FHIT: variants seen among roughly 807,000 people sequenced by gnomAD.
FHIT encodes the protein fragile histidine triad diadenosine triphosphatase.
In FHIT, 19 loss-of-function variants were observed where a neutral mutation model predicts 17.9. That is an observed-to-expected ratio of 1.06 (90% CI 0.74 to 1.56). The LOEUF (loss-of-function observed/expected upper bound fraction) is 1.56. FHIT is among the 40% of genes most tolerant of loss of function. The pLI, the probability that FHIT is intolerant of heterozygous loss-of-function variation, is 0.00. For synonymous variants in FHIT, 81 were observed against 69.7 expected (o/e 1.16, Z -0.81); for missense variants, 248 against 189.2 (o/e 1.31, Z -1.82).
chr3:60,950,716 T>C (rs1422430492), intron 3 of FHIT, among the ~76,000 whole-genome samples: 2 of 151,834 alleles, frequency 1.3e-5, no homozygotes, highest in Non-Finnish European at 2.9e-5. Context: ...ACAGATGGGG[T>C]TTCACCATGT....
chr3:59,800,646 T>G (rs1218205396), intron 8 of FHIT, among the ~76,000 whole-genome samples: 1 of 152,228 alleles, frequency 6.6e-6, no homozygotes, highest in East Asian at 1.9e-4. Flanking sequence ...GCAGCCAGCA[T>G]GTGCACCCCT....
intron 4 of FHIT, among the ~76,000 whole-genome samples, chr3:60,632,374 C>G (rs887777610): frequency 2.6e-5 from 4 of 152,144 alleles, no homozygotes; most frequent in Non-Finnish European, 5.9e-5. Flanking sequence ...CTCTTCCGAA[C>G]AACTATCTTA....
chr3:60,163,812 G>A (rs1217438344), intron 5 of FHIT, among the ~76,000 whole-genome samples: 2 of 152,130 alleles, frequency 1.3e-5, no homozygotes, highest in Non-Finnish European at 2.9e-5. Context: ...TCCAGACGTT[G>A]CCAGAAGTCC....
chr3:60,266,248 G>T (rs991576171), intron 5 of FHIT, among the ~76,000 whole-genome samples: 6 of 152,018 alleles, frequency 3.9e-5, no homozygotes, highest in African/African-American at 1.2e-4. Context: ...ACACATTACA[G>T]CATGATGAAC....
At chr3:61,125,689 C>T (rs1263011416) in intron 2 of FHIT, among the ~76,000 whole-genome samples, 3 of 152,142 alleles carry the variant, frequency 2.0e-5, no homozygotes, top group African/African-American at 7.2e-5. Context: ...TAGGTTTAAA[C>T]TGTCTAAAAC....
intron 3 of FHIT, among the ~76,000 whole-genome samples, chr3:60,905,871 T>A (rs1706383798): frequency 1.3e-5 from 2 of 152,156 alleles, no homozygotes; most frequent in Non-Finnish European, 2.9e-5. Context: ...AGGGTAGGGA[T>A]GGAGTGGGAC....
At chr3:61,031,813 A>G (rs1443565938) in intron 3 of FHIT, among the ~76,000 whole-genome samples, 1 of 151,144 alleles carries the variant, frequency 6.6e-6, no homozygotes, top group Non-Finnish European at 1.5e-5. Flanking sequence ...AAAATGACTG[A>G]GCGCCATCGC....
In FHIT at chr3:59,792,872, T is replaced by TGGGG. The variant is rs139940738; in HGVS notation, c.349-40555_349-40552dup. On this transcript the variant is annotated intron_variant, in intron 8 of 9. Coordinates refer to ENST00000492590, the MANE Select transcript of FHIT (RefSeq NM_002012.4). ...CTTTAGTTTGGAGGTCCTTATTTTTTGGGGGGGGGGGTCATGAACCTCCTT... is the reference window on the plus strand; with the variant it reads ...CTTTAGTTTGGAGGTCCTTATTTTTTGGGGGGGGGGGGGGGTCATGAACCTCCTT... Among the ~76,000 whole-genome samples, 6 of 134,806 alleles carry TGGGG rather than the reference T, an allele frequency of 4.5e-5. No individual in the cohort carries two copies. In the South Asian group the frequency reaches 1.0e-3, roughly 23 times the overall value. The allele number at this position is 134,806 out of a possible 152,430, so 88.4% of individuals were successfully genotyped here.
At chr3:60,121,621 T>A (rs1161490851) in intron 5 of FHIT, among the ~76,000 whole-genome samples, 1 of 151,518 alleles carries the variant, frequency 6.6e-6, no homozygotes, top group Non-Finnish European at 1.5e-5. Flanking sequence ...GAGGCGGAGG[T>A]GGCAGTGAGC....
In FHIT at chr3:60,788,285, T is replaced by C. The variant is rs549192655; in HGVS notation, c.-18+33634A>G. 1.4e-3 allele frequency among the ~76,000 whole-genome samples: 211 copies of C among 152,142 alleles called. 1 individual carries two copies. Among genetic ancestry groups the C allele is most frequent in the African/African-American group, 5.0e-3 (209 of 41,520 alleles). On this transcript the variant is annotated intron_variant, in intron 4 of 9. Coordinates refer to ENST00000492590, the MANE Select transcript of FHIT (RefSeq NM_002012.4). Reference sequence around the variant, plus strand: ...CAGCCTGGGCAACAGAGTGAGACCCTATCTCTTAAAAACAAAAAAAATATT... The same window carrying C: ...CAGCCTGGGCAACAGAGTGAGACCCCATCTCTTAAAAACAAAAAAAATATT...
intron 4 of FHIT, among the ~76,000 whole-genome samples, chr3:60,623,673 C>T (rs1553679615): frequency 6.6e-6 from 1 of 152,152 alleles, no homozygotes; most frequent in East Asian, 1.9e-4. Flanking sequence ...ACAGCACTAG[C>T]ATGTCATATT....
chr3:61,001,458 C>G (rs974803800), intron 3 of FHIT, among the ~76,000 whole-genome samples: 3 of 152,032 alleles, frequency 2.0e-5, no homozygotes, highest in African/African-American at 7.2e-5. Context: ...TAACATAACA[C>G]GGAATATTTC....
intron 5 of FHIT, among the ~76,000 whole-genome samples, chr3:60,349,262 G>A (rs1313378257): frequency 6.6e-6 from 1 of 152,156 alleles, no homozygotes; most frequent in African/African-American, 2.4e-5. Flanking sequence ...ATCTACTGCT[G>A]AATTCAGCTC....
intron 3 of FHIT, among the ~76,000 whole-genome samples, chr3:60,909,019 A>G (rs1205581353): frequency 6.6e-6 from 1 of 152,152 alleles, no homozygotes; most frequent in African/African-American, 2.4e-5. Context: ...ACCTTAGCTA[A>G]TATTTTCATA....
intron 5 of FHIT, among the ~76,000 whole-genome samples, chr3:60,326,137 G>C (rs1709681594): frequency 6.6e-6 from 1 of 152,126 alleles, no homozygotes; most frequent in South Asian, 2.1e-4. Flanking sequence ...TTCCACAGAT[G>C]GGGGTGGAGT....
intron 2 of FHIT, among the ~76,000 whole-genome samples, chr3:61,161,264 G>A (rs1035963621): frequency 1.3e-5 from 2 of 150,940 alleles, no homozygotes; most frequent in East Asian, 1.9e-4. Context: ...GTGCAGTGGC[G>A]CAATCTCGGC....
chr3:60,593,309 T>C (rs193116246), intron 4 of FHIT, among the ~76,000 whole-genome samples: 174 of 152,268 alleles, frequency 1.1e-3, no homozygotes, highest in Admixed American at 6.2e-3. Flanking sequence ...TAGATTGATA[T>C]TGTATAATAT....
At chr3:59,832,576 G>A (rs1053841231) in intron 8 of FHIT, among the ~76,000 whole-genome samples, 5 of 152,206 alleles carry the variant, frequency 3.3e-5, no homozygotes, top group Non-Finnish European at 7.3e-5. Context: ...ATTGTGAATA[G>A]CATGGCCCCG....
chr3:60,472,071 G>C (rs990207503), intron 5 of FHIT, among the ~76,000 whole-genome samples: 1 of 151,774 alleles, frequency 6.6e-6, no homozygotes, highest in African/African-American at 2.4e-5. Context: ...TTCAAGTGAT[G>C]GGTACACTTA....
Sources: allele counts gnomAD v4.1 joint callset (sites outside exome capture counted in the v4.1 genomes callset), GRCh38; gene constraint gnomAD v4.1.1; transcripts MANE v1.5; gene names NCBI Gene and HGNC (gene_info 2026-07-23, HGNC 2026-07-21).